The following FBXO4 variants were observed in gnomAD, a reference collection of about 807,000 sequenced individuals.
FBXO4 encodes F-box protein 4.
FBXO4 carries 36 observed loss-of-function variants against 43.7 expected under a neutral mutation model. That is an observed-to-expected ratio of 0.82 (90% CI 0.63 to 1.09). FBXO4 has a LOEUF of 1.09. FBXO4 is among the 50% of genes least tolerant of loss of function. The pLI is 0.00. For synonymous variants in FBXO4, 180 were observed against 165.6 expected, an observed-to-expected ratio of 1.09 and a Z score of -0.67; for missense variants, 435 against 474.1, an observed-to-expected ratio of 0.92 and a Z score of 0.77.
At chr5:41,995,996 G>T in the FBXO4 span, among the ~76,000 whole-genome samples, 1 of 152,182 alleles carries the variant, frequency 6.6e-6, no homozygotes. Flanking sequence ...TTTGGGTGGT[G>T]CCTGCATATC....
the FBXO4 span, among the ~76,000 whole-genome samples, chr5:41,999,085 G>A: frequency 2.7e-5 from 4 of 150,694 alleles, no homozygotes; most frequent in Admixed American, 1.3e-4. Flanking sequence ...TTCACATATG[G>A]TCAAAGGTAT....
chr5:41,983,510 T>C, the FBXO4 span, among the ~76,000 whole-genome samples: 3 of 152,118 alleles, frequency 2.0e-5, no homozygotes, highest in African/African-American at 7.2e-5. Context: ...TTTGTGAGAG[T>C]CATCATTTTA....
the FBXO4 span, among the ~76,000 whole-genome samples, chr5:42,028,330 A>C: frequency 2.0e-5 from 3 of 151,992 alleles, no homozygotes; most frequent in South Asian, 6.2e-4. Flanking sequence ...GTCTGAAAGA[A>C]GTATAGCAAC....
the FBXO4 span, among the ~76,000 whole-genome samples, chr5:42,026,049 A>C: frequency 0.016 from 2,427 of 151,984 alleles, 120 homozygotes; most frequent in East Asian, 0.1. Flanking sequence ...TATAAATCTT[A>C]GTATTGTTTT....
At chr5:41,942,935 A>C (rs1258657728), downstream of FBXO4, among the ~76,000 whole-genome samples, 1 of 152,168 alleles carries the variant, frequency 6.6e-6, no homozygotes, top group African/African-American at 2.4e-5. Flanking sequence ...TAAAATTTAC[A>C]AAATCTTCAA....
intron 3 of FBXO4, 103 bp downstream of exon 3, chr5:41,930,020 G>T: frequency 1.0e-6 from 1 of 975,348 alleles, no homozygotes; most frequent in Non-Finnish European, 1.5e-6. Flanking sequence ...CTATAATGAA[G>T]TACAGTACTT....
the FBXO4 span, among the ~76,000 whole-genome samples, chr5:41,982,683 G>A: frequency 2.0e-5 from 3 of 151,946 alleles, no homozygotes; most frequent in Non-Finnish European, 2.9e-5. Context: ...TGTGATAATT[G>A]ATATAGTCGA....
At chr5:41,944,936 T>C (rs1752055898), downstream of FBXO4, among the ~76,000 whole-genome samples, 1 of 152,220 alleles carries the variant, frequency 6.6e-6, no homozygotes, top group Non-Finnish European at 1.5e-5. Flanking sequence ...ATCTGAAACA[T>C]TTAAAATGAT....
chr5:41,993,988 C>G, the FBXO4 span, among the ~76,000 whole-genome samples: 1 of 152,144 alleles, frequency 6.6e-6, no homozygotes, highest in Non-Finnish European at 1.5e-5. Flanking sequence ...CACAGACATA[C>G]CCAGGATCAG....
At chr5:42,003,585 A>G in the FBXO4 span, among the ~76,000 whole-genome samples, 1 of 152,132 alleles carries the variant, frequency 6.6e-6, no homozygotes, top group African/African-American at 2.4e-5. Flanking sequence ...TATGTTACAT[A>G]TGTATACATG....
the FBXO4 span, among the ~76,000 whole-genome samples, chr5:41,999,497 A>G: frequency 1.0e-5 from 1 of 97,880 alleles, no homozygotes; most frequent in Non-Finnish European, 1.9e-5. Context: ...ATATATACAT[A>G]TATATATGTG....
downstream of FBXO4, among the ~76,000 whole-genome samples, chr5:41,945,655 G>A (rs1752067288): frequency 6.6e-6 from 1 of 152,184 alleles, no homozygotes; most frequent in African/African-American, 2.4e-5. Flanking sequence ...TCTGGGAATG[G>A]AATGCGACCC....
chr5:42,001,645 T>C, the FBXO4 span, among the ~76,000 whole-genome samples: 1 of 152,184 alleles, frequency 6.6e-6, no homozygotes, highest in African/African-American at 2.4e-5. Flanking sequence ...TTGCTTTTGT[T>C]GCTATTGTGA....
At chr5:41,981,948 GC>G in the FBXO4 span, among the ~76,000 whole-genome samples, 1 of 144,642 alleles carries the variant, frequency 6.9e-6, no homozygotes, top group Non-Finnish European at 1.5e-5. Flanking sequence ...CCCTTCCTGT[GC>G]CCAAGTGTTC....
At chr5:41,984,669 C>T in the FBXO4 span, among the ~76,000 whole-genome samples, 2 of 152,150 alleles carry the variant, frequency 1.3e-5, no homozygotes, top group Non-Finnish European at 1.5e-5. Flanking sequence ...TGAAGATAAG[C>T]CCCGCAAATT....
downstream of FBXO4, among the ~76,000 whole-genome samples, chr5:41,945,831 T>C (rs144424410): frequency 6.6e-6 from 1 of 152,206 alleles, no homozygotes; most frequent in Non-Finnish European, 1.5e-5. Context: ...AACCTATGGA[T>C]TGTTTGTAAC....
downstream of FBXO4, among the ~76,000 whole-genome samples, chr5:41,942,123 T>G (rs1752015372): frequency 6.6e-6 from 1 of 152,110 alleles, no homozygotes; most frequent in Non-Finnish European, 1.5e-5. Flanking sequence ...ACAGAAAGTT[T>G]GTAACATATA....
At chr5:41,935,209 C>A in intron 5 of FBXO4, 1 of 864,982 alleles carries the variant, frequency 1.2e-6, no homozygotes, top group Non-Finnish European at 1.4e-6. Flanking sequence ...TCCTATAAAA[C>A]AAGCACACAA....
the FBXO4 span, among the ~76,000 whole-genome samples, chr5:42,023,328 T>G: frequency 4.6e-5 from 7 of 152,062 alleles, no homozygotes; most frequent in Non-Finnish European, 1.0e-4. Context: ...TCTGCTAATT[T>G]TTTCCTGTTT....
Sources: gnomAD v4.1 joint callset for allele counts (sites outside exome capture counted in the v4.1 genomes callset) on GRCh38, gnomAD v4.1.1 for gene constraint, MANE v1.5 for transcripts, NCBI Gene and HGNC (gene_info 2026-07-23, HGNC 2026-07-21) for gene names.